HNRNPM: variants seen among roughly 807,000 people sequenced by gnomAD.
HNRNPM encodes CEA receptor.
Under a neutral mutation model 73.1 loss-of-function variants are expected in HNRNPM, and 11 were observed. The ratio of observed to expected loss-of-function variants is 0.15; its 90% CI spans 0.09 to 0.25. The LOEUF is 0.25. HNRNPM is among the 10% of genes least tolerant of loss of function. HNRNPM has a pLI of 1.00. For missense variants in HNRNPM, 789 were observed against 1,067.9 expected, an observed-to-expected ratio of 0.74 and a Z score of 3.64; for synonymous variants, 407 against 355.2, an observed-to-expected ratio of 1.15 and a Z score of -1.64.
intron 12 of HNRNPM, 44 bp from the exon 13 acceptor site, chr19:8,483,114 A>G: frequency 8.0e-7 from 1 of 1,251,456 alleles, no homozygotes; most frequent in African/African-American, 1.5e-5. Flanking sequence ...TTCTATTGCC[A>G]TAGAGGAATT....
rs761146065 is a variant in HNRNPM at position 8,486,211 on chromosome 19, G to T, written c.1783G>T (p.Ala595Ser). 2 of 1,587,816 alleles carry T rather than the reference G, an allele frequency of 1.3e-6. No homozygotes were observed. The highest frequency in any genetic ancestry group is 1.3e-5 in the African/African-American group (1 of 74,610). The change falls in exon 14 of 16, where the codon GCC becomes TCC. Residue 595 changes from alanine to serine, a missense_variant. Physicochemically the swap from Ala to Ser is moderately conservative, Grantham distance 99. This residue lies in a region of HNRNPM where 604 missense variants were observed against 744.0 expected (regional missense o/e 0.81). Transcript: ENST00000325495. ...CAACAGCCTCGAGCGCATGGGCCCTGCCATGGGCCCGGCCCTGGGCGCTGG... is the reference window on the plus strand; with the variant it reads ...CAACAGCCTCGAGCGCATGGGCCCTTCCATGGGCCCGGCCCTGGGCGCTGG... ...GANSLERMGP[A>S]MGPALGAGIE...
chr19:8,471,299 C>T (rs1327969631), intron 9 of HNRNPM, 27 bp from the exon 10 acceptor site: 1 of 1,450,554 alleles, frequency 6.9e-7, no homozygotes, highest in Non-Finnish European at 9.4e-7. Flanking sequence ...TAGGGGAAAA[C>T]TAAGCTTCTT....
intron 12 of HNRNPM, among the ~76,000 whole-genome samples, chr19:8,479,604 C>T (rs1970759570): frequency 1.3e-5 from 2 of 151,944 alleles, no homozygotes; most frequent in South Asian, 2.1e-4. Flanking sequence ...GCACATGCCA[C>T]CATGCCCAGC....
chr19:8,456,643 T>G (rs1969047992), intron 2 of HNRNPM, among the ~76,000 whole-genome samples: 2 of 152,234 alleles, frequency 1.3e-5, no homozygotes, highest in Admixed American at 1.3e-4. Flanking sequence ...GTATGTGTAC[T>G]GGTGCTCCCT....
intron 12 of HNRNPM, among the ~76,000 whole-genome samples, chr19:8,482,305 CCTCGTGGCTAATGT>C (rs575573318): frequency 4.6e-5 from 7 of 152,154 alleles, no homozygotes; most frequent in Non-Finnish European, 1.0e-4. Flanking sequence ...GCGAAATGTG[CCTCGTGGCTAATGT>C]CCAAGTTGCT....
At chr19:8,485,458 G>A in intron 13 of HNRNPM, 145 bp from the exon 14 acceptor site, 1 of 825,368 alleles carries the variant, frequency 1.2e-6, no homozygotes, top group Non-Finnish European at 1.9e-6. Flanking sequence ...TGTAGCTGTT[G>A]TCAACATTTG....
At chr19:8,461,389 A>G (rs910536602) in intron 2 of HNRNPM, among the ~76,000 whole-genome samples, 1 of 152,212 alleles carries the variant, frequency 6.6e-6, no homozygotes, top group Non-Finnish European at 1.5e-5. Flanking sequence ...TAAGCGGGTT[A>G]TTTTTACCCT....
At chr19:8,487,164 C>A in intron 15 of HNRNPM, 89 bp downstream of exon 15, 1 of 1,102,384 alleles carries the variant, frequency 9.1e-7, no homozygotes, top group South Asian at 1.2e-5. Flanking sequence ...TCCCAGCCCC[C>A]TCCGTCGGCT....
rs1971227791 is a variant in HNRNPM, at chr19:8,485,674, A to G, written c.1246A>G (p.Met416Val). 6.2e-7 allele frequency: 1 copy of G among 1,607,964 alleles called. No individual in the cohort carries two copies. Among genetic ancestry groups the G allele is most frequent in the Non-Finnish European group, 8.5e-7 (1 of 1,179,622 alleles). ...CATTGACCGCCTCGGGGGTGCCGGC[A>G]TGGAGCGCATGGGCGCGGGCCTGGG... ...PGIDRLGGAGMERMGAGLGHG... is the reference protein window; with the variant it reads ...PGIDRLGGAGVERMGAGLGHG... Residue 416 changes from methionine (M) to valine (V), a missense_variant, in exon 14 of 16, where the codon ATG becomes GTG. Coordinates refer to ENST00000325495, the MANE Select transcript of HNRNPM (RefSeq NM_005968.5).
intron 12 of HNRNPM, chr19:8,482,434 C>T (rs908919626): frequency 2.6e-5 from 4 of 152,246 alleles, no homozygotes; most frequent in Non-Finnish European, 5.9e-5. Flanking sequence ...ATCAGACAAA[C>T]CTTAAAGAGG....
In HNRNPM at chr19:8,460,864, AGTG is replaced by A. The variant is rs544544276; in HGVS notation, c.284-1663_284-1661del. 6.2e-3 allele frequency among the ~76,000 whole-genome samples: 945 copies of A among 152,302 alleles called. 5 individuals carry two copies. Among genetic ancestry groups the A allele is most frequent in the Middle Eastern group, 0.017 (5 of 294 alleles). On this transcript the variant is annotated intron_variant, in intron 2 of 15. Coordinates refer to ENST00000325495, the MANE Select transcript of HNRNPM (RefSeq NM_005968.5). ...TGACACTATGTGGCATTTTCATCAA[AGTG>A]GAGACAAGGGTTGGTGGTCCTTGAA... is the stretch of plus-strand genomic sequence containing the variant.
chr19:8,487,429 C>T (rs1971393446), intron 15 of HNRNPM: 2 of 286,236 alleles, frequency 7.0e-6, no homozygotes, highest in Non-Finnish European at 1.4e-5. Flanking sequence ...GCTTTCCCCT[C>T]AGCACAGCTG....
intron 12 of HNRNPM, among the ~76,000 whole-genome samples, chr19:8,474,714 CTTTTTTT>C (rs59543782): frequency 8.5e-6 from 1 of 117,852 alleles, no homozygotes; most frequent in Non-Finnish European, 1.9e-5. Flanking sequence ...CCTCCACCAA[CTTTTTTT>C]TTTTTTTTTT....
intron 1 of HNRNPM, among the ~76,000 whole-genome samples, chr19:8,446,055 CAG>C (rs1287219897): frequency 5.3e-5 from 8 of 152,166 alleles, no homozygotes; most frequent in African/African-American, 1.4e-4. Flanking sequence ...TTAAGAGAGA[CAG>C]AGAGGTTTTG....
intron 1 of HNRNPM, chr19:8,445,457 G>C (rs1244298129): frequency 4.9e-6 from 1 of 205,710 alleles, no homozygotes; most frequent in Admixed American, 5.9e-5. Context: ...TCCCCGGGAG[G>C]GTGACCTCGG....
chr19:8,486,941 C>T (rs1271865016), intron 14 of HNRNPM, 83 bp from the exon 15 acceptor site: 3 of 1,050,114 alleles, frequency 2.9e-6, no homozygotes, highest in Non-Finnish European at 4.5e-6. Flanking sequence ...AGAAATCTAG[C>T]ATGGCCCTCA....
intron 2 of HNRNPM, among the ~76,000 whole-genome samples, chr19:8,455,963 GC>G (rs1968992420): frequency 1.1e-5 from 1 of 92,434 alleles, no homozygotes. Flanking sequence ...TTTTTTTTAA[GC>G]TTTTTAAGTT....
At chr19:8,455,373 CT>C (rs1968932858) in intron 1 of HNRNPM, 31 bp from the exon 2 acceptor site, 1 of 1,583,826 alleles carries the variant, frequency 6.3e-7, no homozygotes, top group Non-Finnish European at 8.6e-7. Context: ...CATATAAACC[CT>C]TTACCTTTTT....
chr19:8,476,769 G>A (rs1453915197), intron 12 of HNRNPM, among the ~76,000 whole-genome samples: 1 of 152,188 alleles, frequency 6.6e-6, no homozygotes, highest in South Asian at 2.1e-4. Context: ...CTTGTCTGGA[G>A]TGGGGTGCTG....
Sources: allele counts gnomAD v4.1 joint callset (sites outside exome capture counted in the v4.1 genomes callset), GRCh38; gene constraint gnomAD v4.1.1; regional missense constraint gnomAD v4.1.1; transcripts MANE v1.5; gene names NCBI Gene and HGNC (gene_info 2026-07-23, HGNC 2026-07-21).